STX8: variants seen among roughly 807,000 people sequenced by gnomAD.
The protein encoded by STX8 is syntaxin-8.
STX8 carries 23 observed loss-of-function variants against 37.5 expected under a neutral mutation model. The observed-to-expected ratio is 0.61, with a 90% CI of 0.44 to 0.87. STX8 has a LOEUF of 0.87. STX8 is among the 40% of genes least tolerant of loss of function. The pLI, the probability that STX8 is intolerant of heterozygous loss-of-function variation, is 0.00. For missense variants in STX8, 313 were observed against 284.7 expected, an observed-to-expected ratio of 1.10 and a Z score of -0.71; for synonymous variants, 115 against 99.1, an observed-to-expected ratio of 1.16 and a Z score of -0.95.
intron 6 of STX8, among the ~76,000 whole-genome samples, chr17:9,409,439 T>A (rs1359336810): frequency 2.0e-5 from 3 of 152,322 alleles, no homozygotes; most frequent in African/African-American, 7.2e-5. Flanking sequence ...ATGAGAAGAA[T>A]ACAGCATGAA....
rs151114335 is a variant in STX8, at chr17:9,359,823, A to C, written c.643+18729T>G. ...GTGCCTGGACTGTGATAGGAGTTTT[A>C]ATTTTCTCTGGTTAATGAAATTTCA... On this transcript the variant is annotated intron_variant, in intron 7 of 7. Transcript: ENST00000306357. Among the ~76,000 whole-genome samples the C allele has an allele frequency of 6.4e-3, 971 of 151,922 alleles. 9 individuals are homozygous for C. The highest frequency in any genetic ancestry group is 0.022 in the African/African-American group (926 of 41,408).
intron 7 of STX8, among the ~76,000 whole-genome samples, chr17:9,325,877 T>G (rs1226546552): frequency 6.6e-6 from 1 of 152,226 alleles, no homozygotes; most frequent in Non-Finnish European, 1.5e-5. Flanking sequence ...CTCTGGAGTG[T>G]GCAATGCTTA....
In STX8 at chr17:9,348,727, T is replaced by C. The variant is rs141236077; in HGVS notation, c.643+29825A>G. 4.6e-5 allele frequency among the ~76,000 whole-genome samples: 7 copies of C among 152,322 alleles called. No homozygotes were observed. In the East Asian group the frequency reaches 1.2e-3, roughly 25 times the overall value. ...AACAATTTCACCACACTGTGATAAC[T>C]TTCAGGATGTAAATCTAAACTGTAA... On this transcript the variant is annotated intron_variant, in intron 7 of 7. Coordinates refer to ENST00000306357, the MANE Select transcript of STX8 (RefSeq NM_004853.3).
In STX8 at chr17:9,284,182, A is replaced by G. The variant is rs1379302154; in HGVS notation, c.644-33537T>C. On this transcript the variant is annotated intron_variant, in intron 7 of 7. Transcript: ENST00000306357. ...TTTTTCCATCAACTAATAGTAACCCATTTATGCAATGAAATTTCCTCAGCA... is the reference window on the plus strand; with the variant it reads ...TTTTTCCATCAACTAATAGTAACCCGTTTATGCAATGAAATTTCCTCAGCA... Among the ~76,000 whole-genome samples the G allele has an allele frequency of 4.6e-5, 7 of 152,330 alleles. No individual in the cohort carries two copies. In the Middle Eastern group the frequency reaches 0.01, roughly 222 times the overall value.
At position 9,352,907 on chromosome 17, in the gene STX8, C is replaced by CT. The variant is rs1340333380; in HGVS notation, c.643+25644dup. 1.1e-4 allele frequency among the ~76,000 whole-genome samples: 16 copies of CT among 149,604 alleles called. 1 individual carries two copies. Among genetic ancestry groups the CT allele is most frequent in the Admixed American group, 6.7e-5 (1 of 15,032 alleles). On this transcript the variant is annotated intron_variant, in intron 7 of 7. Transcript: ENST00000306357. Reference sequence around the variant, plus strand: ...TTGCCTCCATTTTTTTTTTCAGACTCTTTTTTCAGGGTCTTACTCTGTTGC... The same window carrying CT: ...TTGCCTCCATTTTTTTTTTCAGACTCTTTTTTTCAGGGTCTTACTCTGTTGC...
intron 7 of STX8, among the ~76,000 whole-genome samples, chr17:9,256,188 C>A: frequency 6.6e-6 from 1 of 152,204 alleles, no homozygotes; most frequent in East Asian, 1.9e-4. Flanking sequence ...GGCCCTCTGG[C>A]GGGTAAGAGG....
At chr17:9,292,237 A>G (rs1908336739) in intron 7 of STX8, among the ~76,000 whole-genome samples, 1 of 152,228 alleles carries the variant, frequency 6.6e-6, no homozygotes, top group African/African-American at 2.4e-5. Flanking sequence ...AAACATATGA[A>G]CGATATAAGG....
chr17:9,522,961 T>C (rs1905414689), intron 4 of STX8, among the ~76,000 whole-genome samples: 1 of 152,062 alleles, frequency 6.6e-6, no homozygotes, highest in Non-Finnish European at 1.5e-5. Context: ...AGGTTTGAGG[T>C]TATGGGTATG....
chr17:9,432,229 A>C (rs1914010900), intron 6 of STX8, among the ~76,000 whole-genome samples: 1 of 152,214 alleles, frequency 6.6e-6, no homozygotes, highest in Non-Finnish European at 1.5e-5. Context: ...TGGTAAAACA[A>C]GATGTGGAGC....
At chr17:9,482,330 T>G (rs913087341) in intron 6 of STX8, among the ~76,000 whole-genome samples, 1 of 152,194 alleles carries the variant, frequency 6.6e-6, no homozygotes, top group African/African-American at 2.4e-5. Flanking sequence ...AATTTTATAT[T>G]GCCGAGAAAT....
intron 6 of STX8, among the ~76,000 whole-genome samples, chr17:9,415,387 C>CT (rs1913149991): frequency 6.6e-6 from 1 of 152,106 alleles, no homozygotes; most frequent in Admixed American, 6.6e-5. Context: ...TTCCTGGTAT[C>CT]TGTAGCCTCA....
At chr17:9,522,123 CA>C (rs1905364177) in intron 4 of STX8, among the ~76,000 whole-genome samples, 1 of 151,998 alleles carries the variant, frequency 6.6e-6, no homozygotes, top group African/African-American at 2.4e-5. Flanking sequence ...AAAACAAAAC[CA>C]AAAGGAACAC....
At chr17:9,459,492 G>A (rs1388589143) in intron 6 of STX8, among the ~76,000 whole-genome samples, 2 of 152,178 alleles carry the variant, frequency 1.3e-5, no homozygotes, top group Non-Finnish European at 2.9e-5. Context: ...ACCACAGACG[G>A]GAAGCTCACA....
chr17:9,358,007 G>A (rs972189140), intron 7 of STX8, among the ~76,000 whole-genome samples: 4 of 152,138 alleles, frequency 2.6e-5, no homozygotes, highest in Non-Finnish European at 5.9e-5. Flanking sequence ...TAAGATGACC[G>A]AACACAAAAA....
At chr17:9,403,879 C>T (rs941722668) in intron 6 of STX8, among the ~76,000 whole-genome samples, 1 of 152,054 alleles carries the variant, frequency 6.6e-6, no homozygotes, top group Admixed American at 6.5e-5. Context: ...AACTCCTGAC[C>T]TCATGATCTG....
At chr17:9,269,251 G>A (rs2142137226) in intron 7 of STX8, among the ~76,000 whole-genome samples, 1 of 152,202 alleles carries the variant, frequency 6.6e-6, no homozygotes, top group South Asian at 2.1e-4. Context: ...GGAAAGACTG[G>A]GAAATGATTG....
chr17:9,463,016 G>A (rs1056008354), intron 6 of STX8, among the ~76,000 whole-genome samples: 7 of 152,202 alleles, frequency 4.6e-5, no homozygotes, highest in African/African-American at 1.7e-4. Flanking sequence ...ACCCTGGCAG[G>A]AAAGGTAAAA....
chr17:9,436,182 CAAA>C (rs35723779), intron 6 of STX8, among the ~76,000 whole-genome samples: 1 of 137,458 alleles, frequency 7.3e-6, no homozygotes. Flanking sequence ...ACTAAAAATA[CAAA>C]AAAAAAAAAA....
At chr17:9,371,423 G>A (rs1911397444) in intron 7 of STX8, among the ~76,000 whole-genome samples, 1 of 152,224 alleles carries the variant, frequency 6.6e-6, no homozygotes, top group South Asian at 2.1e-4. Flanking sequence ...CACCTTGCTT[G>A]CAGTTTGATT....
Sources: gnomAD v4.1 joint callset for allele counts (sites outside exome capture counted in the v4.1 genomes callset) on GRCh38, gnomAD v4.1.1 for gene constraint, MANE v1.5 for transcripts, NCBI Gene and HGNC (gene_info 2026-07-23, HGNC 2026-07-21) for gene names.